The following ZNF346 variants were observed in gnomAD, a reference collection of about 807,000 sequenced individuals.
ZNF346 encodes double-stranded RNA-binding zinc finger protein JAZ.
A neutral mutation model predicts 33.7 loss-of-function variants in ZNF346; 23 were observed. The observed-to-expected ratio is 0.68, with a 90% CI of 0.49 to 0.97. ZNF346 has a LOEUF of 0.97. Among genes scored for constraint, ZNF346 ranks in the 50% least tolerant of loss-of-function variants. The pLI is 0.00. For missense variants in ZNF346, 340 were observed against 371.1 expected, an observed-to-expected ratio of 0.92 and a Z score of 0.69; for synonymous variants, 134 against 142.4, an observed-to-expected ratio of 0.94 and a Z score of 0.42.
At chr5:177,047,341 T>G (rs1207533307) in intron 4 of ZNF346, among the ~76,000 whole-genome samples, 2 of 133,072 alleles carry the variant, frequency 1.5e-5, no homozygotes, top group Non-Finnish European at 3.1e-5. Context: ...TTGTTTTTTG[T>G]TTTTTTTTTT....
In ZNF346 at chr5:177,050,822, C is replaced by T. The variant is rs553469347; in HGVS notation, c.589C>T (p.Pro197Ser). The change falls in exon 5 of 7, where the codon CCT becomes TCT. Residue 197 changes from proline (P) to serine (S), a missense_variant. Transcript: ENST00000358149. ...CSLCHATFND[P>S]VMAQQHYVGK... ...CCTCTGCCATGCAACTTTCAACGAC[C>T]CTGTCATGGCTCAACAACATTATGT... The T allele has an allele frequency of 2.5e-6, 4 of 1,614,024 alleles. No homozygotes were observed. Among genetic ancestry groups the T allele is most frequent in the South Asian group, 2.2e-5 (2 of 91,086 alleles).
chr5:177,044,998 C>T (rs1779843881), intron 4 of ZNF346, among the ~76,000 whole-genome samples: 1 of 152,216 alleles, frequency 6.6e-6, no homozygotes, highest in African/African-American at 2.4e-5. Flanking sequence ...AAGACAGGGA[C>T]TTGCCTTTCA....
intron 1 of ZNF346, among the ~76,000 whole-genome samples, chr5:177,024,903 G>A (rs981376365): frequency 2.6e-5 from 4 of 152,124 alleles, no homozygotes; most frequent in African/African-American, 4.8e-5. Context: ...GTGAAATCTA[G>A]GTAGACACCT....
intron 4 of ZNF346, among the ~76,000 whole-genome samples, chr5:177,049,322 T>A (rs1428497210): frequency 2.6e-5 from 4 of 152,180 alleles, no homozygotes; most frequent in Non-Finnish European, 5.9e-5. Context: ...TGGAAGAGCA[T>A]CTGAGACATA....
At chr5:177,060,594 C>G (rs1438404393) in intron 5 of ZNF346, among the ~76,000 whole-genome samples, 1 of 134,196 alleles carries the variant, frequency 7.5e-6, no homozygotes, top group Non-Finnish European at 1.6e-5. Flanking sequence ...GGCAGATCAC[C>G]TGAGGTCAGG....
chr5:177,033,347 A>G (rs1213527174), intron 1 of ZNF346, among the ~76,000 whole-genome samples: 1 of 152,204 alleles, frequency 6.6e-6, no homozygotes, highest in Non-Finnish European at 1.5e-5. Flanking sequence ...CCAGAGTGTC[A>G]GATTACAGGC....
At chr5:177,069,696 A>T (rs13162452), downstream of ZNF346, among the ~76,000 whole-genome samples, 68 of 140,606 alleles carry the variant, frequency 4.8e-4, no homozygotes, top group Non-Finnish European at 8.5e-4. Flanking sequence ...ACACCAGCTA[A>T]TTTTTTCTAT....
At position 177,050,737 on chromosome 5, in the gene ZNF346, G is replaced by A. The variant is rs748320026; in HGVS notation, c.518-14G>A. 3 of 1,614,050 alleles carry A rather than the reference G, an allele frequency of 1.9e-6. No homozygotes were observed. The highest frequency in any genetic ancestry group is 2.5e-6 in the Non-Finnish European group (3 of 1,179,988). ...AACGCCTTACAAATCCTTTCCTTGT[G>A]GCCTCCACCTTAGCCTTGCACCAGA... On this transcript the variant is annotated splice_polypyrimidine_tract_variant and intron_variant, in intron 4 of 6. Coordinates refer to ENST00000358149, the MANE Select transcript of ZNF346 (RefSeq NM_012279.4).
chr5:177,051,978 A>AT (rs76626161), intron 5 of ZNF346: 20,336 of 152,122 alleles, frequency 0.13, 1,697 homozygotes, highest in East Asian at 0.19. Flanking sequence ...AGCCTGGCCA[A>AT]CATGGTGAGA....
chr5:177,036,023 G>A (rs1317512513), intron 1 of ZNF346, among the ~76,000 whole-genome samples: 1 of 148,226 alleles, frequency 6.7e-6, no homozygotes, highest in Non-Finnish European at 1.5e-5. Flanking sequence ...CTCAGTTTTT[G>A]TGGGCCAGGA....
At chr5:177,058,384 T>C (rs910287782) in intron 5 of ZNF346, among the ~76,000 whole-genome samples, 3 of 151,568 alleles carry the variant, frequency 2.0e-5, no homozygotes, top group Non-Finnish European at 2.9e-5. Flanking sequence ...GGCAGGAGAA[T>C]TGCTTGAACC....
intron 6 of ZNF346, among the ~76,000 whole-genome samples, chr5:177,063,228 G>T (rs965547169): frequency 6.6e-6 from 1 of 152,318 alleles, no homozygotes; most frequent in African/African-American, 2.4e-5. Context: ...ATAGGTAGAA[G>T]AATTCCCATT....
chr5:177,027,637 G>GCTTTTCTTTCT (rs2149580211), intron 1 of ZNF346, among the ~76,000 whole-genome samples: 1 of 147,896 alleles, frequency 6.8e-6, no homozygotes, highest in Admixed American at 6.8e-5. Context: ...CTGGGCCTAA[G>GCTTTTCTTTCT]CTTTTCTTTC....
At chr5:177,038,876 T>TTGTG (rs56812954) in intron 1 of ZNF346, among the ~76,000 whole-genome samples, 4,271 of 135,380 alleles carry the variant, frequency 0.032, 131 homozygotes, top group Middle Eastern at 0.12. Flanking sequence ...CTTCTTCTTC[T>TTGTG]TGTGTGTGTG....
intron 5 of ZNF346, among the ~76,000 whole-genome samples, chr5:177,058,232 T>C (rs1782011757): frequency 6.6e-6 from 1 of 151,008 alleles, no homozygotes; most frequent in Non-Finnish European, 1.5e-5. Flanking sequence ...TCCAGCACTT[T>C]GGGAGGCTGA....
At chr5:177,030,201 C>T (rs894694372) in intron 1 of ZNF346, among the ~76,000 whole-genome samples, 1 of 152,128 alleles carries the variant, frequency 6.6e-6, no homozygotes, top group Non-Finnish European at 1.5e-5. Flanking sequence ...AAAATTTCTT[C>T]TTTGATACAT....
intron 1 of ZNF346, among the ~76,000 whole-genome samples, chr5:177,038,191 G>A (rs1251151038): frequency 6.6e-6 from 1 of 151,176 alleles, no homozygotes; most frequent in East Asian, 1.9e-4. Context: ...TAGGCTCAAG[G>A]GATTCTCCCA....
chr5:177,064,956 A>G lies in ZNF346; in HGVS notation c.*357A>G, dbSNP rs142342588. 3.0e-3 allele frequency: 673 copies of G among 223,488 alleles called. 2 individuals carry two copies. The highest frequency in any genetic ancestry group is 0.014 in the African/African-American group (623 of 44,294). The allele number at this position is 223,488 out of a possible 1,614,324, so 13.8% of individuals were successfully genotyped here. A position where few individuals can be genotyped will look rare whatever the true frequency, so the allele number is the denominator to read the frequency against. ...GGTCAGTTTTGGGCCAGTTCTTGCA[A>G]CTAAAGAGCAGAGATCTCTCTGGGC... On this transcript the variant is annotated 3_prime_UTR_variant, in exon 7 of 7. Transcript: ENST00000358149.
Position 177,064,568 on chromosome 5 carries a change from T to C in ZNF346, c.854T>C (p.Ile285Thr), listed in dbSNP as rs771957972. 1 of 1,614,200 alleles carries C rather than the reference T, an allele frequency of 6.2e-7. No homozygotes were observed. The highest frequency in any genetic ancestry group is 8.5e-7 in the Non-Finnish European group (1 of 1,180,038). The change falls in exon 7 of 7, where the codon ATT becomes ACT. Residue 285 changes from isoleucine (I) to threonine (T), a missense_variant. By Grantham distance (89) the Ile-to-Thr change is moderately conservative (BLOSUM62 -1). Transcript: ENST00000358149. ...CAGATTCCAATGCAAAGGCAACCCA[T>C]TCAGAAAGACTCAACCACCTTGGAA... ...LGQIPMQRQP[I>T]QKDSTTLED
Sources: gnomAD v4.1 joint callset for allele counts (sites outside exome capture counted in the v4.1 genomes callset) on GRCh38, gnomAD v4.1.1 for gene constraint, MANE v1.5 for transcripts, NCBI Gene and HGNC (gene_info 2026-07-23, HGNC 2026-07-21) for gene names.